CCDC18: variants seen among roughly 807,000 people sequenced by gnomAD.
The protein encoded by CCDC18 is coiled-coil domain-containing protein 18.
In CCDC18, 157 loss-of-function variants were observed where a neutral mutation model predicts 196.0. The ratio of observed to expected loss-of-function variants is 0.80; its 90% CI spans 0.70 to 0.91. The LOEUF (loss-of-function observed/expected upper bound fraction) is 0.91, where lower values mean the gene tolerates loss of function less well. Ranked by LOEUF, CCDC18 falls within the 40% of genes least tolerant of loss-of-function variation. The pLI, the probability that CCDC18 is intolerant of heterozygous loss-of-function variation, is 0.00. For missense variants in CCDC18, 1,465 were observed against 1,611.6 expected, an observed-to-expected ratio of 0.91 and a Z score of 1.56; for synonymous variants, 482 against 529.2, an observed-to-expected ratio of 0.91 and a Z score of 1.22.
In CCDC18 at chr1:93,202,048, G is replaced by T. The variant is rs1416173279; in HGVS notation, c.795+60G>T. 6.6e-6 allele frequency: 6 copies of T among 913,688 alleles called. No homozygotes were observed. The African/African-American group carries it at 8.4e-5, about 13-fold the overall frequency. 56.6% of individuals were successfully genotyped at this position (913,688 alleles called of 1,614,324 possible). On this transcript the variant is annotated intron_variant, in intron 7 of 28. Coordinates refer to ENST00000690025, the MANE Select transcript of CCDC18 (RefSeq NM_001378204.1). ...TTACTGTCTATATTCCAACAGTAAA[G>T]GTAGGAATAATTAAAATATGTTTAT...
At chr1:93,191,891 A>G (rs1328889918) in intron 4 of CCDC18, 109 bp from the exon 5 acceptor site, 13 of 667,736 alleles carry the variant, frequency 1.9e-5, no homozygotes, top group Non-Finnish European at 2.9e-5. Flanking sequence ...TATCTGACCA[A>G]TGATTTGGGA....
At chr1:93,224,044 G>T (rs539780434) in intron 16 of CCDC18, among the ~76,000 whole-genome samples, 1 of 151,180 alleles carries the variant, frequency 6.6e-6, no homozygotes, top group Admixed American at 6.6e-5. Context: ...GGATGTTTTG[G>T]GTTTTTAATT....
intron 17 of CCDC18, among the ~76,000 whole-genome samples, chr1:93,228,089 A>T (rs1238633790): frequency 1.3e-5 from 2 of 151,842 alleles, no homozygotes; most frequent in South Asian, 2.1e-4. Flanking sequence ...GAGCAAATTT[A>T]TACAGAGAAT....
intron 6 of CCDC18, 134 bp from the exon 7 acceptor site, chr1:93,201,758 C>T (rs369403479): frequency 2.0e-6 from 1 of 506,350 alleles, no homozygotes. Flanking sequence ...TACTTTAAGC[C>T]TAATACTCCT....
chr1:93,274,812 A>ATTT (rs780779021), intron 28 of CCDC18, among the ~76,000 whole-genome samples: 1 of 152,232 alleles, frequency 6.6e-6, no homozygotes. Flanking sequence ...GCAATGCAGC[A>ATTT]AGAACCCATC....
intron 21 of CCDC18, among the ~76,000 whole-genome samples, chr1:93,241,874 T>C (rs1037045763): frequency 1.3e-5 from 2 of 152,140 alleles, no homozygotes; most frequent in Non-Finnish European, 2.9e-5. Context: ...AGGATGGTCA[T>C]TTTTAAAAAC....
intron 14 of CCDC18, among the ~76,000 whole-genome samples, chr1:93,219,141 T>G (rs1268181327): frequency 1.3e-5 from 2 of 152,204 alleles, no homozygotes; most frequent in Non-Finnish European, 2.9e-5. Flanking sequence ...GGAACATGTT[T>G]TCTGTTAATG....
intron 27 of CCDC18, 155 bp downstream of exon 27, chr1:93,265,056 T>G (rs983225925): frequency 2.9e-5 from 17 of 583,974 alleles, no homozygotes; most frequent in Non-Finnish European, 5.2e-5. Flanking sequence ...ATTTAGGAAA[T>G]TATTAAGATG....
chr1:93,212,340 A>AT, intron 11 of CCDC18, 79 bp downstream of exon 11: 2 of 1,000,334 alleles, frequency 2.0e-6, no homozygotes, highest in Non-Finnish European at 1.4e-6. Context: ...CTTTTATTTA[A>AT]ATTTTTTTTT....
At position 93,267,314 on chromosome 1, in the gene CCDC18, T is replaced by G. The variant is rs1191523446; in HGVS notation, c.3885+2413T>G. On this transcript the variant is annotated intron_variant, in intron 27 of 28. Transcript: ENST00000690025. ...TCTCAAAATAATAAGAGCTATTTAT[T>G]ACAAACCCACAGCCAATATCATACT... 7.9e-5 allele frequency among the ~76,000 whole-genome samples: 12 copies of G among 152,094 alleles called. 1 individual carries two copies. In the South Asian group the frequency reaches 1.2e-3, roughly 16 times the overall value.
chr1:93,205,180 A>G (rs749750288), intron 7 of CCDC18, among the ~76,000 whole-genome samples: 2 of 152,130 alleles, frequency 1.3e-5, no homozygotes, highest in Non-Finnish European at 2.9e-5. Flanking sequence ...TGTGGTTCAA[A>G]TTTCAAAAGT....
upstream of CCDC18, chr1:93,180,696 G>C (rs765265198): frequency 1.0e-5 from 14 of 1,354,476 alleles, no homozygotes; most frequent in East Asian, 5.7e-4. Context: ...CAGTGACCGG[G>C]TAGGCGCGTC....
chr1:93,218,823 T>C (rs1240267619), intron 14 of CCDC18, among the ~76,000 whole-genome samples: 1 of 152,126 alleles, frequency 6.6e-6, no homozygotes, highest in East Asian at 1.9e-4. Context: ...CCTTTGCACT[T>C]TTATGAATGT....
At chr1:93,180,326 T>G, upstream of CCDC18, 2 of 1,448,292 alleles carry the variant, frequency 1.4e-6, no homozygotes, top group East Asian at 5.2e-5. Flanking sequence ...TCCTCGTGGT[T>G]GACAGGGAAA....
chr1:93,208,079 C>T (rs2783501), intron 9 of CCDC18, among the ~76,000 whole-genome samples: 28,318 of 152,138 alleles, frequency 0.19, 2,909 homozygotes, highest in East Asian at 0.31. Flanking sequence ...CTGCTATGAA[C>T]GTTTGCATAC....
chr1:93,230,327 A>AT (rs1659038682), intron 17 of CCDC18, among the ~76,000 whole-genome samples: 1 of 150,436 alleles, frequency 6.6e-6, no homozygotes, highest in African/African-American at 2.5e-5. Context: ...CTCTATTAAA[A>AT]TTAAAAAAAA....
At chr1:93,186,808 A>G (rs966496860) in intron 4 of CCDC18, among the ~76,000 whole-genome samples, 22 of 152,052 alleles carry the variant, frequency 1.4e-4, no homozygotes, top group Non-Finnish European at 1.2e-4. Flanking sequence ...TCCCTTTTAA[A>G]ATAACACATT....
In CCDC18 at chr1:93,239,326, A is replaced by T; in HGVS notation, c.2620A>T (p.Met874Leu). ...TTTAATTAGGCAAGTAAAGATTGAGATGGATCAGTACAAAGAAGAGCTGTC... is the reference window on the plus strand; with the variant it reads ...TTTAATTAGGCAAGTAAAGATTGAGTTGGATCAGTACAAAGAAGAGCTGTC... The part of the protein sequence containing the change: ...TGTARQVKIE[M>L]DQYKEELSKM... The change falls in exon 20 of 29, where the codon ATG (methionine) becomes TTG (leucine). Residue 874 changes from methionine to leucine, a missense_variant. Coordinates refer to ENST00000690025, the MANE Select transcript of CCDC18 (RefSeq NM_001378204.1). The T allele has an allele frequency of 6.3e-7, 1 of 1,593,022 alleles. No individual in the cohort carries two copies. The highest frequency in any genetic ancestry group is 8.5e-7 in the Non-Finnish European group (1 of 1,170,908).
chr1:93,188,678 T>TAAA (rs1651146345), intron 4 of CCDC18, among the ~76,000 whole-genome samples: 3 of 152,202 alleles, frequency 2.0e-5, no homozygotes, highest in Non-Finnish European at 4.4e-5. Flanking sequence ...TTATGGTAGA[T>TAAA]GGTAGTTCTT....
Sources: gnomAD v4.1 joint callset for allele counts (sites outside exome capture counted in the v4.1 genomes callset) on GRCh38, gnomAD v4.1.1 for gene constraint, MANE v1.5 for transcripts, NCBI Gene and HGNC (gene_info 2026-07-23, HGNC 2026-07-21) for gene names.